The following RASGEF1B variants were observed in gnomAD, a reference collection of about 807,000 sequenced individuals.
The protein encoded by RASGEF1B is RasGEF domain family member 1B.
RASGEF1B carries 30 observed loss-of-function variants against 65.7 expected under a neutral mutation model. That is an observed-to-expected ratio of 0.46 (90% CI 0.34 to 0.62). The LOEUF (loss-of-function observed/expected upper bound fraction) is 0.62. Ranked by LOEUF, RASGEF1B falls within the 20% of genes least tolerant of loss-of-function variation. RASGEF1B has a pLI of 0.01. For missense variants in RASGEF1B, 495 were observed against 580.1 expected (o/e 0.85, Z 1.51); for synonymous variants, 175 against 194.8 (o/e 0.90, Z 0.85).
Position 81,442,274 on chromosome 4 carries a change from A to C in RASGEF1B, c.1008+23T>G, listed in dbSNP as rs372264407. On this transcript the variant is annotated intron_variant, in intron 9 of 13. Transcript: ENST00000264400. ...TTCCAGGTGTAAAGTGTTACTTAAC[A>C]GCAAAACATCAGCTTCACATACCTC... is the stretch of plus-strand genomic sequence containing the variant. 5 of 1,545,642 alleles carry C rather than the reference A, an allele frequency of 3.2e-6. No individual in the cohort carries two copies. The African/African-American group carries it at 6.8e-5, about 21-fold the overall frequency.
At chr4:81,434,167 A>G (rs1025198801) in intron 11 of RASGEF1B, among the ~76,000 whole-genome samples, 5 of 152,008 alleles carry the variant, frequency 3.3e-5, no homozygotes, top group Admixed American at 1.3e-4. Context: ...CTTCAGCCTC[A>G]GCCTCCCTGC....
intron 3 of RASGEF1B, 112 bp downstream of exon 3, chr4:81,457,387 A>G (rs899268063): frequency 3.9e-5 from 38 of 979,924 alleles, no homozygotes; most frequent in Admixed American, 6.6e-5. Flanking sequence ...CCATGATGCC[A>G]TTTATGCACT....
chr4:81,463,622 T>C (rs1412410678), intron 1 of RASGEF1B, among the ~76,000 whole-genome samples: 2 of 152,208 alleles, frequency 1.3e-5, no homozygotes, highest in Non-Finnish European at 2.9e-5. Context: ...ATCAACTGCC[T>C]GTGTAATAGA....
chr4:81,426,429 A>T lies in RASGEF1B; in HGVS notation c.*1339T>A, dbSNP rs1303974611. ...GAGTGTAAAATATATTGATGGCTGT[A>T]AAGGGACAACTTGGGGATATTTTAG... On this transcript the variant is annotated 3_prime_UTR_variant, in exon 14 of 14. Transcript: ENST00000264400. 2 of 152,210 alleles carry T rather than the reference A, an allele frequency of 1.3e-5. No individual in the cohort carries two copies. Among genetic ancestry groups the T allele is most frequent in the Non-Finnish European group, 2.9e-5 (2 of 68,042 alleles). 9.4% of individuals were successfully genotyped at this position (152,210 alleles called of 1,614,324 possible).
chr4:81,466,778 G>GAAAGAAAGAAAGAAAA (rs1722838088), intron 1 of RASGEF1B, among the ~76,000 whole-genome samples: 1 of 129,748 alleles, frequency 7.7e-6, no homozygotes, highest in African/African-American at 3.2e-5. Flanking sequence ...AAAAAAGAAA[G>GAAAGAAAGAAAGAAAA]AAAGAAAGAA....
intron 3 of RASGEF1B, 127 bp downstream of exon 3, chr4:81,457,372 T>A (rs1245997595): frequency 1.2e-6 from 1 of 826,468 alleles, no homozygotes; most frequent in African/African-American, 1.7e-5. Flanking sequence ...ATTCCCCTTG[T>A]ATAGCCATGA....
At chr4:81,445,468 G>A in intron 8 of RASGEF1B, 58 bp downstream of exon 8, 1 of 1,169,266 alleles carries the variant, frequency 8.6e-7, no homozygotes. Flanking sequence ...CATTTTCTGT[G>A]GGTCATTTTA....
At chr4:81,456,541 A>G in intron 4 of RASGEF1B, 110 bp downstream of exon 4, 1 of 1,242,914 alleles carries the variant, frequency 8.0e-7, no homozygotes. Flanking sequence ...GCTTGCCCAA[A>G]GGCAAAACAG....
chr4:81,448,286 T>G lies in RASGEF1B; in HGVS notation c.439-2A>C. On this transcript the variant is annotated splice_acceptor_variant, in intron 4 of 13. Transcript: ENST00000264400. LOFTEE classifies it high-confidence loss of function. ...CTGGACATTCTTTCTGTATGTCTGC[T>G]AGGGAATAAGCGAAGAATTACATCC... 21 of 1,611,038 alleles carry G rather than the reference T, an allele frequency of 1.3e-5. No homozygotes were observed. The highest frequency in any genetic ancestry group is 1.8e-5 in the Non-Finnish European group (21 of 1,178,774).
Position 81,435,499 on chromosome 4 carries a change from C to T in RASGEF1B, c.1105-765G>A, listed in dbSNP as rs1469693566. Among the ~76,000 whole-genome samples the T allele has an allele frequency of 8.8e-5, 10 of 114,210 alleles. No individual in the cohort carries two copies. In the South Asian group the frequency reaches 1.7e-3, roughly 20 times the overall value. The allele number at this position is 114,210 out of a possible 152,430, so 74.9% of individuals were successfully genotyped here. Reference sequence around the variant, plus strand: ...TTTTTTTTTTTTTGAGATGGAGTCTCGCTCTGTCACCCAGGCTGGAGTGCA... The same window carrying T: ...TTTTTTTTTTTTTGAGATGGAGTCTTGCTCTGTCACCCAGGCTGGAGTGCA... On this transcript the variant is annotated intron_variant, in intron 10 of 13. Transcript: ENST00000264400.
At chr4:81,430,020 A>G (rs1045894399) in intron 13 of RASGEF1B, among the ~76,000 whole-genome samples, 1 of 152,190 alleles carries the variant, frequency 6.6e-6, no homozygotes, top group Non-Finnish European at 1.5e-5. Flanking sequence ...CTTCCACTCA[A>G]TAAAACTTTG....
chr4:81,433,022 G>A (rs1409866994), intron 12 of RASGEF1B, among the ~76,000 whole-genome samples: 1 of 150,404 alleles, frequency 6.6e-6, no homozygotes, highest in Non-Finnish European at 1.5e-5. Context: ...AGACCAGCCT[G>A]GGCAACACAG....
At chr4:81,471,397 T>C (rs946804243) in intron 1 of RASGEF1B, among the ~76,000 whole-genome samples, 7 of 152,216 alleles carry the variant, frequency 4.6e-5, no homozygotes, top group African/African-American at 1.7e-4. Context: ...AAGGCCTGGC[T>C]GCAGGATCAG....
chr4:81,445,625 C>T lies in RASGEF1B; in HGVS notation c.829G>A (p.Val277Ile). The change falls in exon 8 of 14, where the codon GTT becomes ATT. Residue 277 changes from valine to isoleucine, a missense_variant. By Grantham distance (29) the Val-to-Ile change is conservative. Coordinates refer to ENST00000264400, the MANE Select transcript of RASGEF1B (RefSeq NM_152545.3). The part of the protein sequence containing the change: ...YLVATEICMP[V>I]KKKHRARMIE... ...ATTCTTGCTCGGTGTTTTTTCTTAA[C>T]AGGCTACACAGTAAAAGACAATAGA... 1.2e-6 allele frequency: 2 copies of T among 1,612,074 alleles called. No individual in the cohort carries two copies. The highest frequency in any genetic ancestry group is 1.7e-6 in the Non-Finnish European group (2 of 1,178,204).
intron 4 of RASGEF1B, chr4:81,455,292 G>C (rs563224133): frequency 6.6e-6 from 1 of 152,106 alleles, no homozygotes; most frequent in Non-Finnish European, 1.5e-5. Context: ...GAAAAAACGA[G>C]CCAGGCACAG....
intron 1 of RASGEF1B, among the ~76,000 whole-genome samples, chr4:81,462,483 C>G (rs1722681281): frequency 6.6e-6 from 1 of 152,218 alleles, no homozygotes; most frequent in Non-Finnish European, 1.5e-5. Context: ...TGCCTTCTAA[C>G]AAGCCCAAAG....
At chr4:81,444,736 C>T (rs1214749878) in intron 8 of RASGEF1B, among the ~76,000 whole-genome samples, 2 of 152,152 alleles carry the variant, frequency 1.3e-5, no homozygotes, top group African/African-American at 2.4e-5. Context: ...AGGGTTTCAC[C>T]ATGTTGGCCA....
intron 2 of RASGEF1B, among the ~76,000 whole-genome samples, chr4:81,458,764 C>T (rs1722538454): frequency 6.6e-6 from 1 of 152,170 alleles, no homozygotes; most frequent in African/African-American, 2.4e-5. Context: ...TCTCTTCCCT[C>T]TTGGAATTAC....
intron 10 of RASGEF1B, among the ~76,000 whole-genome samples, chr4:81,439,757 G>A (rs1721771621): frequency 6.6e-6 from 1 of 152,166 alleles, no homozygotes; most frequent in Non-Finnish European, 1.5e-5. Flanking sequence ...CTGGGATTGA[G>A]CAAGTAAAAC....
Sources: allele counts gnomAD v4.1 joint callset (sites outside exome capture counted in the v4.1 genomes callset), GRCh38; gene constraint gnomAD v4.1.1; transcripts MANE v1.5; gene names NCBI Gene and HGNC (gene_info 2026-07-23, HGNC 2026-07-21).